DLG5: variants seen among roughly 807,000 people sequenced by gnomAD.
DLG5 encodes discs large MAGUK scaffold protein 5, also known as disks large homolog 5.
In DLG5, 48 loss-of-function variants were observed where a neutral mutation model predicts 189.8. The ratio of observed to expected loss-of-function variants is 0.25; its 90% CI spans 0.20 to 0.32. DLG5 has a LOEUF of 0.32. Among genes scored for constraint, DLG5 ranks in the 10% least tolerant of loss-of-function variants. DLG5 has a pLI of 1.00. For missense variants in DLG5, 2,160 were observed against 2,544.7 expected, an observed-to-expected ratio of 0.85 and a Z score of 3.25; for synonymous variants, 1,016 against 1,054.1, an observed-to-expected ratio of 0.96 and a Z score of 0.70.
intron 2 of DLG5, among the ~76,000 whole-genome samples, chr10:77,858,305 A>AT (rs201844825): frequency 1.3e-5 from 2 of 152,156 alleles, no homozygotes; most frequent in Non-Finnish European, 1.5e-5. Context: ...AGAAATATGT[A>AT]TTAAAAAAAA....
At chr10:77,825,361 TAACCACACAC>T (rs1564518635) in intron 13 of DLG5, among the ~76,000 whole-genome samples, 1 of 103,030 alleles carries the variant, frequency 9.7e-6, no homozygotes, top group African/African-American at 3.6e-5. Flanking sequence ...AACATGTGTT[TAACCACACAC>T]AACCACACAC....
intron 2 of DLG5, among the ~76,000 whole-genome samples, chr10:77,860,313 T>C (rs1025032154): frequency 8.5e-5 from 13 of 152,204 alleles, no homozygotes; most frequent in Admixed American, 2.0e-4. Flanking sequence ...TTTTGTTTTT[T>C]TGAGACAGAG....
intron 12 of DLG5, 131 bp from the exon 13 acceptor site, chr10:77,829,116 C>T: frequency 3.7e-6 from 4 of 1,081,564 alleles, no homozygotes; most frequent in Admixed American, 2.3e-5. Context: ...TACGCCTGCA[C>T]CCTGCCCCAG....
At position 77,843,396 on chromosome 10, in the gene DLG5, G is replaced by T. The variant is rs751301682; in HGVS notation, c.1124+51C>A. 5 of 1,589,086 alleles carry T rather than the reference G, an allele frequency of 3.1e-6. No homozygotes were observed. In the African/African-American group the frequency reaches 6.7e-5, roughly 21 times the overall value. ...TGTTCTCATCCCCTGGTGGTGGCTG[G>T]GAACCTTATAGGACCCATTTGCCCC... On this transcript the variant is annotated intron_variant, in intron 6 of 31. Transcript: ENST00000372391.
rs939875847 is a variant in DLG5 at position 77,853,644 on chromosome 10, G to T, written c.681-107C>A. The T allele has an allele frequency of 2.6e-6, 3 of 1,175,688 alleles. No homozygotes were observed. In the East Asian group the frequency reaches 8.0e-5, roughly 32 times the overall value. The allele number at this position is 1,175,688 out of a possible 1,614,324, so 72.8% of individuals were successfully genotyped here. A position where few individuals can be genotyped will look rare whatever the true frequency, so the allele number is the denominator to read the frequency against. ...TCCCAACACTTCCCGTAGATACAGC[G>T]GACAGGAGCCAATGGCAGGTAGGTC... On this transcript the variant is annotated intron_variant, in intron 4 of 31. Coordinates refer to ENST00000372391, the MANE Select transcript of DLG5 (RefSeq NM_004747.4).
rs2241831 is a variant in DLG5, at chr10:77,796,271, G to T, written c.5309-83C>A. The stretch of plus-strand genomic sequence containing the variant: ...GGGAGCAGGGGAAGAACACTGCTCA[G>T]CAGCTGTCAGTAACCCAGTCCTGCC... On this transcript the variant is annotated intron_variant, in intron 28 of 31. Coordinates refer to ENST00000372391, the MANE Select transcript of DLG5 (RefSeq NM_004747.4). The surrounding 1 kb of genome is among the most constrained non-coding windows in gnomAD (Gnocchi z 5.2). 46,614 of 1,604,098 alleles carry T rather than the reference G, an allele frequency of 0.029. 1,302 individuals are homozygous for T. The highest frequency in any genetic ancestry group is 0.17 in the East Asian group (7,825 of 44,770).
In DLG5 at chr10:77,841,865, C is replaced by T. The variant is rs760695760; in HGVS notation, c.1437+16G>A. The T allele has an allele frequency of 3.8e-6, 6 of 1,598,172 alleles. No homozygotes were observed. The highest frequency in any genetic ancestry group is 5.1e-6 in the Non-Finnish European group (6 of 1,171,144). On this transcript the variant is annotated intron_variant, in intron 7 of 31. Transcript: ENST00000372391. Reference sequence around the variant, plus strand: ...GTAGGAGAGGCTGAAAGCCAGCCACCGGCCCACCCACCTACCTGCCGCAGC... The same window carrying T: ...GTAGGAGAGGCTGAAAGCCAGCCACTGGCCCACCCACCTACCTGCCGCAGC...
intron 13 of DLG5, among the ~76,000 whole-genome samples, chr10:77,826,924 G>A (rs1842665747): frequency 6.6e-6 from 1 of 152,072 alleles, no homozygotes; most frequent in South Asian, 2.1e-4. Context: ...CTCCAGCCTG[G>A]GCAACAGAGT....
chr10:77,838,548 G>A (rs535930623), intron 7 of DLG5, among the ~76,000 whole-genome samples: 1 of 152,310 alleles, frequency 6.6e-6, no homozygotes, highest in African/African-American at 2.4e-5. Context: ...CTACCTCTTT[G>A]CTCCCTCTTT....
chr10:77,915,535 C>CTAATAA (rs1846334584), intron 1 of DLG5, among the ~76,000 whole-genome samples: 1 of 152,180 alleles, frequency 6.6e-6, no homozygotes, highest in East Asian at 1.9e-4. Context: ...GAAACACTGC[C>CTAATAA]TAATAAAGCC....
chr10:77,905,033 G>A (rs1473252647), intron 1 of DLG5, among the ~76,000 whole-genome samples: 1 of 150,420 alleles, frequency 6.6e-6, no homozygotes, highest in Non-Finnish European at 1.5e-5. Context: ...GGAGGCTGAG[G>A]AAGGAGAATC....
chr10:77,830,741 C>A lies in DLG5; in HGVS notation c.1881G>T (p.Thr627=). The A allele has an allele frequency of 6.2e-7, 1 of 1,613,938 alleles. No individual in the cohort carries two copies. The highest frequency in any genetic ancestry group is 2.2e-5 in the East Asian group (1 of 44,882). Reference sequence around the variant, plus strand: ...AGAAGAACCATCAGAGGCAGCTTACCGTCTCCCTCTCGAACTCTACAACTT... The same window carrying A: ...AGAAGAACCATCAGAGGCAGCTTACAGTCTCCCTCTCGAACTCTACAACTT... ...ETEVVEFERE[T]EDIDLKALGF... The change falls in exon 10 of 32, where the codon ACG becomes ACT. Residue 627 remains threonine, a splice_region_variant and synonymous_variant. Coordinates refer to ENST00000372391, the MANE Select transcript of DLG5 (RefSeq NM_004747.4).
chr10:77,806,781 G>C lies in DLG5; in HGVS notation c.4944C>G (p.Arg1648=), dbSNP rs769363278. 1.8e-5 allele frequency: 25 copies of C among 1,364,000 alleles called. No homozygotes were observed. The highest frequency in any genetic ancestry group is 2.3e-5 in the Non-Finnish European group (24 of 1,022,236). The allele number at this position is 1,364,000 out of a possible 1,614,324, so 84.5% of individuals were successfully genotyped here. The change falls in exon 26 of 32, where the codon CGC becomes CGG. Residue 1648 remains arginine, a synonymous_variant. Coordinates refer to ENST00000372391, the MANE Select transcript of DLG5 (RefSeq NM_004747.4). ...QLDENAQKIQ[R]GQIPSKYVMD... ...ACACATATTTGCTGGGAATCTGCCC[G>C]CGCTGGATCTTCTGGGCATTCTCGT...
intron 27 of DLG5, 83 bp downstream of exon 27, chr10:77,805,578 TTTTG>T (rs1568121527): frequency 1.4e-6 from 2 of 1,439,994 alleles, no homozygotes; most frequent in Admixed American, 2.2e-5. Context: ...TAAGACTCTC[TTTTG>T]TTTAAGTCCC....
At chr10:77,856,938 C>T in intron 2 of DLG5, 46 bp from the exon 3 acceptor site, 2 of 1,571,988 alleles carry the variant, frequency 1.3e-6, no homozygotes, top group Non-Finnish European at 1.7e-6. Context: ...ATCTGGCATT[C>T]ACGAGGCGCC....
intron 1 of DLG5, among the ~76,000 whole-genome samples, chr10:77,916,332 C>T (rs1340021117): frequency 6.6e-6 from 1 of 152,030 alleles, no homozygotes; most frequent in Non-Finnish European, 1.5e-5. Flanking sequence ...CTCTTGTTGC[C>T]CAGGCTGGAG....
At position 77,806,925 on chromosome 10, in the gene DLG5, G is replaced by A. The variant is rs1426902784; in HGVS notation, c.4800C>T (p.Ala1600=). 6 of 1,611,374 alleles carry A rather than the reference G, an allele frequency of 3.7e-6. No homozygotes were observed. In the East Asian group the frequency reaches 1.1e-4, roughly 30 times the overall value. The change falls in exon 26 of 32, where the codon GCC becomes GCT. Residue 1600 remains alanine (A), a synonymous_variant. Coordinates refer to ENST00000372391, the MANE Select transcript of DLG5 (RefSeq NM_004747.4). The stretch of plus-strand genomic sequence containing the variant: ...CCACATCTGCCAGCCGGTCGTACAG[G>A]GCCCTGGACCACAGCACAGAAGGAA... ...GLPGDSFYIR[A]LYDRLADVEQ...
intron 5 of DLG5, among the ~76,000 whole-genome samples, chr10:77,844,674 T>TAGGCCAAATAAAGTAACTTCAGAGCA (rs1316593964): frequency 6.6e-6 from 1 of 152,082 alleles, no homozygotes; most frequent in African/African-American, 2.4e-5. Context: ...GACACACAGA[T>TAGGCCAAATAAAGTAACTTCAGAGCA]AGGCCAAATA....
chr10:77,811,758 T>TA (rs2154575300), intron 22 of DLG5, among the ~76,000 whole-genome samples, 166 bp downstream of exon 22: 1 of 152,260 alleles, frequency 6.6e-6, no homozygotes, highest in South Asian at 2.1e-4. Context: ...AGCCTCTCTA[T>TA]ATATGCCCCT....
Sources: gnomAD v4.1 joint callset for allele counts (sites outside exome capture counted in the v4.1 genomes callset) on GRCh38, gnomAD v4.1.1 for gene constraint, Gnocchi (gnomAD v3.1) non-coding constraint, MANE v1.5 for transcripts, NCBI Gene and HGNC (gene_info 2026-07-23, HGNC 2026-07-21) for gene names.